OAS3: variants seen among roughly 807,000 people sequenced by gnomAD.
The protein encoded by OAS3 is 2'-5'-oligoadenylate synthetase 3, also known as 2'-5'-oligoadenylate synthase 3.
A neutral mutation model predicts 113.0 loss-of-function variants in OAS3; 107 were observed. The ratio of observed to expected loss-of-function variants is 0.95; its 90% CI spans 0.81 to 1.11. The LOEUF (loss-of-function observed/expected upper bound fraction) is 1.11, where lower values mean the gene tolerates loss of function less well. OAS3 is among the 50% of genes most tolerant of loss of function. OAS3 has a pLI of 0.00. For synonymous variants in OAS3, 552 were observed against 573.6 expected (o/e 0.96, Z 0.54); for missense variants, 1,258 against 1,389.1 (o/e 0.91, Z 1.50).
rs557050599 is a variant in OAS3 at position 112,956,187 on chromosome 12, C to G, written c.1658-4884C>G. Among the ~76,000 whole-genome samples, 5 of 152,266 alleles carry G rather than the reference C, an allele frequency of 3.3e-5. No homozygotes were observed. In the South Asian group the frequency reaches 1.0e-3, roughly 32 times the overall value. The stretch of plus-strand genomic sequence containing the variant: ...TCTGTGTAATCGGTGGTGATATCCC[C>G]TTTATCATTTTTTATTGTGTCTATT... On this transcript the variant is annotated intron_variant, in intron 7 of 15. Coordinates refer to ENST00000228928, the MANE Select transcript of OAS3 (RefSeq NM_006187.4).
intron 4 of OAS3, 104 bp downstream of exon 4, chr12:112,947,085 G>T (rs1026993490): frequency 1.1e-5 from 10 of 869,960 alleles, no homozygotes; most frequent in Non-Finnish European, 1.8e-5. Context: ...GGGTATAGAG[G>T]CCAAAGCAAA....
At chr12:112,961,896 A>T (rs1294060159) in intron 8 of OAS3, among the ~76,000 whole-genome samples, 1 of 152,122 alleles carries the variant, frequency 6.6e-6, no homozygotes, top group Non-Finnish European at 1.5e-5. Flanking sequence ...TCTGGGCTCA[A>T]GTAGTCCTCC....
intron 1 of OAS3, among the ~76,000 whole-genome samples, chr12:112,939,052 C>T (rs2043655920): frequency 6.6e-6 from 1 of 152,204 alleles, no homozygotes; most frequent in Admixed American, 6.5e-5. Flanking sequence ...CTCATTCACT[C>T]ATTCTCCCAG....
chr12:112,957,687 G>A (rs1183026188), intron 7 of OAS3, among the ~76,000 whole-genome samples: 3 of 152,224 alleles, frequency 2.0e-5, no homozygotes, highest in Admixed American at 1.3e-4. Flanking sequence ...GGCTTGTAGA[G>A]TTTCTGCCGA....
Position 112,963,487 on chromosome 12 carries a change from G to T in OAS3, c.2229+30G>T. On this transcript the variant is annotated intron_variant, in intron 10 of 15. Transcript: ENST00000228928. This position sits in a 1 kb window ranked among gnomAD's most constrained non-coding sequence, Gnocchi z 4.6. ...GATGGAGGGTCCTGGGGGGCAGGGG[G>T]CCCTGCACCCTGCCTTCTAGTCAGG... 1 of 1,466,882 alleles carries T rather than the reference G, an allele frequency of 6.8e-7. No individual in the cohort carries two copies. 90.9% of individuals were successfully genotyped at this position (1,466,882 alleles called of 1,614,324 possible).
At position 112,967,968 on chromosome 12, in the gene OAS3, AC is replaced by A; in HGVS notation, c.2903del (p.Pro968HisfsTer8). 1 of 1,613,672 alleles carries A rather than the reference AC, an allele frequency of 6.2e-7. No individual in the cohort carries two copies. Among genetic ancestry groups the A allele is most frequent in the East Asian group, 2.2e-5 (1 of 44,870 alleles). On this transcript the variant is annotated frameshift_variant, in exon 14 of 16. Coordinates refer to ENST00000228928, the MANE Select transcript of OAS3 (RefSeq NM_006187.4). LOFTEE classifies it high-confidence loss of function. ...AGATCTCCAAGGGGAGAGGCTCCCT[AC>A]CCCCACAGCACGGGCTGGAACTCCT... ...TKISKGRGSL[P>X]PQHGLELLTV...
intron 14 of OAS3, among the ~76,000 whole-genome samples, chr12:112,968,832 A>T (rs899992070): frequency 6.6e-6 from 1 of 152,132 alleles, no homozygotes; most frequent in Non-Finnish European, 1.5e-5. Flanking sequence ...TGTATTTGTT[A>T]AATCTGACCA....
At chr12:112,947,021 G>C (rs369368378) in intron 4 of OAS3, 40 bp downstream of exon 4, 1 of 1,551,644 alleles carries the variant, frequency 6.4e-7, no homozygotes, top group East Asian at 2.3e-5. Flanking sequence ...CCTGTCCCGG[G>C]GCCAGGGGGA....
chr12:112,963,257 G>T lies in OAS3; in HGVS notation c.2085-56G>T. 1 of 1,496,166 alleles carries T rather than the reference G, an allele frequency of 6.7e-7. No homozygotes were observed. The allele number at this position is 1,496,166 out of a possible 1,614,324, so 92.7% of individuals were successfully genotyped here. On this transcript the variant is annotated intron_variant, in intron 9 of 15. Coordinates refer to ENST00000228928, the MANE Select transcript of OAS3 (RefSeq NM_006187.4). This position sits in a 1 kb window ranked among gnomAD's most constrained non-coding sequence, Gnocchi z 4.6. Reference sequence around the variant, plus strand: ...ACGCCCCTTTTCAGCCCTTCCACCCGCCTCCTCTTTCACTGACTCCCACCT... The same window carrying T: ...ACGCCCCTTTTCAGCCCTTCCACCCTCCTCCTCTTTCACTGACTCCCACCT...
At position 112,965,995 on chromosome 12, in the gene OAS3, G is replaced by A; in HGVS notation, c.2655G>A (p.Val885=). The part of the protein sequence containing the change: ...LTSQTMLDQS[V]DFDVLPAFDA... The stretch of plus-strand genomic sequence containing the variant: ...CCCAGACGATGCTGGACCAGAGTGT[G>A]GACTTTGATGTGCTGCCAGCCTTTG... The change falls in exon 12 of 16, where the codon GTG becomes GTA. Residue 885 remains valine, a synonymous_variant. Coordinates refer to ENST00000228928, the MANE Select transcript of OAS3 (RefSeq NM_006187.4). 2 of 1,614,072 alleles carry A rather than the reference G, an allele frequency of 1.2e-6. No homozygotes were observed. Among genetic ancestry groups the A allele is most frequent in the South Asian group, 2.2e-5 (2 of 91,082 alleles).
rs760141270 is a variant in OAS3, at chr12:112,969,653, C to T, written c.3150C>T (p.His1050=). 1 of 1,608,140 alleles carries T rather than the reference C, an allele frequency of 6.2e-7. No homozygotes were observed. Reference sequence around the variant, plus strand: ...CTGACCCGACAGGCAACCTGGGCCACAATGCCCGCTGGGACCTGCTGGCCA... The same window carrying T: ...CTGACCCGACAGGCAACCTGGGCCATAATGCCCGCTGGGACCTGCTGGCCA... ...DPADPTGNLG[H]NARWDLLAKE... is the part of the protein sequence containing the mutation. The change falls in exon 15 of 16, where the codon CAC becomes CAT. Residue 1050 remains histidine (H), a synonymous_variant. Coordinates refer to ENST00000228928, the MANE Select transcript of OAS3 (RefSeq NM_006187.4).
chr12:112,952,648 A>ATT (rs2043802324), intron 7 of OAS3, among the ~76,000 whole-genome samples: 1 of 152,108 alleles, frequency 6.6e-6, no homozygotes, highest in Non-Finnish European at 1.5e-5. Flanking sequence ...TTTCCTTCTT[A>ATT]CAGAAATACA....
intron 8 of OAS3, 35 bp from the exon 9 acceptor site, chr12:112,962,617 A>T (rs565450517): frequency 6.2e-7 from 1 of 1,605,154 alleles, no homozygotes; most frequent in East Asian, 2.2e-5. Context: ...CACATCCACT[A>T]ATCACTCATC....
intron 2 of OAS3, chr12:112,942,209 A>C (rs1324984297): frequency 6.2e-6 from 3 of 486,874 alleles, no homozygotes; most frequent in South Asian, 4.3e-5. Context: ...GGACGAAACC[A>C]GAATTCTGCA....
intron 14 of OAS3, among the ~76,000 whole-genome samples, chr12:112,968,533 T>A (rs2043956810): frequency 6.6e-6 from 1 of 152,058 alleles, no homozygotes; most frequent in Non-Finnish European, 1.5e-5. Flanking sequence ...GTTGTTGTTG[T>A]TTGTTTGTTT....
intron 1 of OAS3, 33 bp downstream of exon 1, chr12:112,938,740 A>AAAGGGCC (rs1199009480): frequency 4.1e-6 from 6 of 1,476,508 alleles, no homozygotes; most frequent in Admixed American, 2.5e-5. Context: ...TTATGTGTCC[A>AAAGGGCC]AAGGGGAGTC....
Position 112,967,489 on chromosome 12 carries a change from G to A in OAS3, c.2761G>A (p.Gly921Ser), listed in dbSNP as rs748893714. 6.2e-7 allele frequency: 1 copy of A among 1,613,722 alleles called. No individual in the cohort carries two copies. Among genetic ancestry groups the A allele is most frequent in the Non-Finnish European group, 8.5e-7 (1 of 1,179,804 alleles). Residue 921 changes from glycine to serine, a missense_variant, in exon 13 of 16, where the codon GGC becomes AGC. Transcript: ENST00000228928. ...CCTCATCCACAGCTACAGCAATGCG[G>A]GCGAGTACTCCACCTGCTTCACAGA... ...VDLIHSYSNA[G>S]EYSTCFTELQ...
chr12:112,962,091 C>G (rs4767043), intron 8 of OAS3, among the ~76,000 whole-genome samples: 69,057 of 152,124 alleles, frequency 0.45, 16,151 homozygotes, highest in East Asian at 0.75. Context: ...GCCACCATGC[C>G]CCAGCCTTGT....
chr12:112,967,355 T>C lies in OAS3; in HGVS notation c.2690-63T>C, dbSNP rs1024890066. On this transcript the variant is annotated intron_variant, in intron 12 of 15. Transcript: ENST00000228928. ...GGTAGGAGATCTCAGAAGTCCTTTCTAAGTTGGCCCCACTGGGACAACATG... is the reference window on the plus strand; with the variant it reads ...GGTAGGAGATCTCAGAAGTCCTTTCCAAGTTGGCCCCACTGGGACAACATG... The C allele has an allele frequency of 1.2e-5, 18 of 1,490,452 alleles. No individual in the cohort carries two copies. The East Asian group carries it at 4.4e-4, about 36-fold the overall frequency. 92.3% of individuals were successfully genotyped at this position (1,490,452 alleles called of 1,614,324 possible). A position where few individuals can be genotyped will look rare whatever the true frequency, so the allele number is the denominator to read the frequency against.
Sources: allele counts gnomAD v4.1 joint callset (sites outside exome capture counted in the v4.1 genomes callset), GRCh38; gene constraint gnomAD v4.1.1; non-coding constraint Gnocchi (gnomAD v3.1); transcripts MANE v1.5; gene names NCBI Gene and HGNC (gene_info 2026-07-23, HGNC 2026-07-21).